LRRC4C: variants seen among roughly 807,000 people sequenced by gnomAD.
The protein encoded by LRRC4C is leucine-rich repeat-containing protein 4C.
Under a neutral mutation model 33.6 loss-of-function variants are expected in LRRC4C, and 5 were observed. The ratio of observed to expected loss-of-function variants is 0.15; its 90% confidence interval spans 0.08 to 0.31. The LOEUF (loss-of-function observed/expected upper bound fraction) is 0.31, where lower values mean the gene tolerates loss of function less well. LRRC4C is among the 10% of genes least tolerant of loss of function. LRRC4C has a pLI of 1.00. For synonymous variants in LRRC4C, 329 were observed against 302.0 expected (o/e 1.09, Z -0.93); for missense variants, 560 against 796.7 (o/e 0.70, Z 3.58).
intron 1 of LRRC4C, among the ~76,000 whole-genome samples, chr11:41,022,589 T>A (rs1253197432): frequency 6.6e-6 from 1 of 151,770 alleles, no homozygotes; most frequent in African/African-American, 2.4e-5. Context: ...GAAAAAAAAA[T>A]CCTGATATAA....
intron 1 of LRRC4C, among the ~76,000 whole-genome samples, chr11:41,217,731 T>C (rs1947121375): frequency 6.6e-6 from 1 of 152,150 alleles, no homozygotes; most frequent in Non-Finnish European, 1.5e-5. Flanking sequence ...GGGAGGTTGC[T>C]TGTTGGCTGC....
At chr11:40,735,518 A>G (rs1373554411) in intron 2 of LRRC4C, among the ~76,000 whole-genome samples, 2 of 147,710 alleles carry the variant, frequency 1.4e-5, no homozygotes, top group African/African-American at 5.0e-5. Flanking sequence ...ATAGTATTCC[A>G]TGGTGTATAT....
At chr11:41,219,978 T>C (rs1947232010) in intron 1 of LRRC4C, among the ~76,000 whole-genome samples, 1 of 152,156 alleles carries the variant, frequency 6.6e-6, no homozygotes, top group South Asian at 2.1e-4. Context: ...GGGACCTATA[T>C]GTGTTTTTGT....
chr11:41,395,749 GT>G (rs1469431773), intron 1 of LRRC4C, among the ~76,000 whole-genome samples: 1 of 151,932 alleles, frequency 6.6e-6, no homozygotes, highest in Non-Finnish European at 1.5e-5. Flanking sequence ...AAATCAAAAT[GT>G]TTTCATCCTA....
At chr11:41,262,371 T>G (rs997653301) in intron 1 of LRRC4C, among the ~76,000 whole-genome samples, 2 of 150,400 alleles carry the variant, frequency 1.3e-5, no homozygotes, top group African/African-American at 2.5e-5. Context: ...GTCTGCTGAC[T>G]GCTACCCTAT....
chr11:40,164,594 A>T (rs1859430635), intron 5 of LRRC4C, among the ~76,000 whole-genome samples: 1 of 152,192 alleles, frequency 6.6e-6, no homozygotes, highest in African/African-American at 2.4e-5. Flanking sequence ...ACTAACACTT[A>T]GACAGCACTA....
intron 2 of LRRC4C, among the ~76,000 whole-genome samples, chr11:40,843,497 T>C (rs1005675929): frequency 2.6e-5 from 4 of 152,150 alleles, no homozygotes; most frequent in African/African-American, 9.7e-5. Context: ...TGTCTCAAGT[T>C]TGGATTTTCT....
At chr11:41,013,500 C>T (rs1479918796) in intron 1 of LRRC4C, among the ~76,000 whole-genome samples, 1 of 152,138 alleles carries the variant, frequency 6.6e-6, no homozygotes, top group East Asian at 1.9e-4. Context: ...ACGTATGTTC[C>T]TTATAGACAC....
At chr11:41,088,666 G>A (rs370744790) in intron 1 of LRRC4C, among the ~76,000 whole-genome samples, 2 of 152,024 alleles carry the variant, frequency 1.3e-5, no homozygotes, top group African/African-American at 4.8e-5. Context: ...AAAGTTAAAT[G>A]GTTATCTTTA....
intron 1 of LRRC4C, among the ~76,000 whole-genome samples, chr11:41,264,123 C>G (rs1340663256): frequency 1.4e-5 from 2 of 140,468 alleles, no homozygotes; most frequent in African/African-American, 5.4e-5. Flanking sequence ...GATGGAGTCT[C>G]GCTTTATTGC....
At chr11:40,609,152 A>T (rs372181168) in intron 3 of LRRC4C, among the ~76,000 whole-genome samples, 28 of 152,250 alleles carry the variant, frequency 1.8e-4, no homozygotes, top group African/African-American at 6.5e-4. Context: ...ATTCTTCAGG[A>T]TACGTCATAT....
At chr11:40,428,246 A>C (rs539991911) in intron 3 of LRRC4C, among the ~76,000 whole-genome samples, 36 of 152,184 alleles carry the variant, frequency 2.4e-4, no homozygotes, top group Admixed American at 8.5e-4. Context: ...TTGATTCCCT[A>C]AGCGGCTACA....
At chr11:40,454,700 T>G (rs1952053211) in intron 3 of LRRC4C, among the ~76,000 whole-genome samples, 1 of 152,218 alleles carries the variant, frequency 6.6e-6, no homozygotes, top group South Asian at 2.1e-4. Context: ...GAATATTCAT[T>G]CCTCTCTACC....
At chr11:41,363,208 T>C (rs1404438560) in intron 1 of LRRC4C, among the ~76,000 whole-genome samples, 1 of 152,182 alleles carries the variant, frequency 6.6e-6, no homozygotes, top group Non-Finnish European at 1.5e-5. Flanking sequence ...TCCCTCTCAT[T>C]GCCTCAGAGG....
At chr11:40,272,999 T>C (rs1942821245) in intron 4 of LRRC4C, among the ~76,000 whole-genome samples, 1 of 152,144 alleles carries the variant, frequency 6.6e-6, no homozygotes, top group Non-Finnish European at 1.5e-5. Flanking sequence ...CACTGTTAGA[T>C]ACAATAATTT....
chr11:40,252,304 T>TAC (rs150474231), intron 4 of LRRC4C, among the ~76,000 whole-genome samples: 57 of 151,420 alleles, frequency 3.8e-4, no homozygotes, highest in Non-Finnish European at 6.3e-4. Flanking sequence ...ACCTAATATA[T>TAC]ACACACACAC....
At chr11:40,743,482 C>G (rs1948262780) in intron 2 of LRRC4C, among the ~76,000 whole-genome samples, 1 of 152,060 alleles carries the variant, frequency 6.6e-6, no homozygotes, top group African/African-American at 2.4e-5. Context: ...AGGGGAAAAT[C>G]TCTTTCCTTG....
intron 2 of LRRC4C, among the ~76,000 whole-genome samples, chr11:40,683,872 T>TG (rs1944826234): frequency 6.6e-6 from 1 of 152,188 alleles, no homozygotes; most frequent in Non-Finnish European, 1.5e-5. Flanking sequence ...TAAACTCTGC[T>TG]AAAACGCCAG....
At chr11:40,502,646 CGTGAGAA>C (rs1463961818) in intron 3 of LRRC4C, among the ~76,000 whole-genome samples, 1 of 152,114 alleles carries the variant, frequency 6.6e-6, no homozygotes, top group African/African-American at 2.4e-5. Context: ...TCCCACAACA[CGTGAGAA>C]TTATGGGAGT....
Sources: allele counts gnomAD v4.1 joint callset (sites outside exome capture counted in the v4.1 genomes callset), GRCh38; gene constraint gnomAD v4.1.1; transcripts MANE v1.5; gene names NCBI Gene and HGNC (gene_info 2026-07-23, HGNC 2026-07-21).